The following KLHL20 variants were observed in gnomAD, a reference collection of about 807,000 sequenced individuals.
The protein encoded by KLHL20 is kelch-like protein 20.
KLHL20 carries 29 observed loss-of-function variants against 69.5 expected under a neutral mutation model. The observed-to-expected ratio is 0.42, with a 90% CI of 0.31 to 0.57. KLHL20 has a LOEUF of 0.57. Among genes scored for constraint, KLHL20 ranks in the 20% least tolerant of loss-of-function variants. The probability of loss-of-function intolerance (pLI) is 0.18; values close to 1 mark genes in which losing one functional copy is unlikely to be tolerated. For synonymous variants in KLHL20, 253 were observed against 265.2 expected (o/e 0.95, Z 0.45); for missense variants, 419 against 776.0 (o/e 0.54, Z 5.47).
At chr1:173,748,039 A>G (rs980934882) in intron 3 of KLHL20, among the ~76,000 whole-genome samples, 1 of 132,658 alleles carries the variant, frequency 7.5e-6, no homozygotes, top group Non-Finnish European at 1.6e-5. Flanking sequence ...AATATTATGA[A>G]CAACATTTTA....
At chr1:173,780,911 A>T (rs1199557093) in intron 10 of KLHL20, among the ~76,000 whole-genome samples, 4 of 151,158 alleles carry the variant, frequency 2.6e-5, no homozygotes, top group African/African-American at 9.7e-5. Flanking sequence ...TTGTATTTTT[A>T]ATAGAGATGG....
intron 3 of KLHL20, among the ~76,000 whole-genome samples, chr1:173,745,236 ACCT>A (rs1182094620): frequency 6.8e-5 from 9 of 133,036 alleles, no homozygotes; most frequent in African/African-American, 2.6e-4. Context: ...CAATGACGTG[ACCT>A]CCACTCACTG....
chr1:173,781,189 G>C (rs1648854158), intron 10 of KLHL20, among the ~76,000 whole-genome samples: 2 of 152,136 alleles, frequency 1.3e-5, no homozygotes, highest in Admixed American at 1.3e-4. Flanking sequence ...TTAGTTAGGA[G>C]TAAAGGGAAA....
chr1:173,761,144 C>T (rs1647272544), intron 7 of KLHL20, among the ~76,000 whole-genome samples: 1 of 152,166 alleles, frequency 6.6e-6, no homozygotes, highest in Non-Finnish European at 1.5e-5. Context: ...CAAAGAGGGA[C>T]AGTATATAAT....
At chr1:173,781,846 AGTTTGGAG>A in intron 10 of KLHL20, 2 of 252,574 alleles carry the variant, frequency 7.9e-6, no homozygotes, top group Non-Finnish European at 1.5e-5. Context: ...AAGTGAGAGC[AGTTTGGAG>A]GTTGTTTGCT....
chr1:173,768,547 A>T (rs774799979), intron 8 of KLHL20, among the ~76,000 whole-genome samples: 3 of 152,164 alleles, frequency 2.0e-5, no homozygotes, highest in Non-Finnish European at 4.4e-5. Context: ...CACTTTCAAA[A>T]CTCAGTACAG....
chr1:173,736,836 T>C (rs1672561401), intron 3 of KLHL20, among the ~76,000 whole-genome samples: 1 of 152,220 alleles, frequency 6.6e-6, no homozygotes, highest in African/African-American at 2.4e-5. Context: ...CCTCAGGTGA[T>C]CTGCCCGCCT....
chr1:173,766,563 G>C (rs1004333732), intron 8 of KLHL20, among the ~76,000 whole-genome samples: 1 of 150,986 alleles, frequency 6.6e-6, no homozygotes, highest in East Asian at 1.9e-4. Flanking sequence ...GATCACTTGA[G>C]CCCAGGAGGT....
In KLHL20 at chr1:173,716,091, T is replaced by G. The variant is rs763173551; in HGVS notation, c.23+25T>G. On this transcript the variant is annotated intron_variant, in intron 2 of 11. Coordinates refer to ENST00000209884, the MANE Select transcript of KLHL20 (RefSeq NM_014458.4). ...GGTAGGCATTTAGGAAGAAAACCTT[T>G]GGTTTCACTGATTAAAATTCAGCAT... The G allele has an allele frequency of 7.5e-6, 12 of 1,609,928 alleles. No homozygotes were observed. In the South Asian group the frequency reaches 1.3e-4, roughly 18 times the overall value.
chr1:173,766,660 A>G (rs1432094743), intron 8 of KLHL20, among the ~76,000 whole-genome samples: 1 of 151,658 alleles, frequency 6.6e-6, no homozygotes, highest in Non-Finnish European at 1.5e-5. Flanking sequence ...AAAAAAAAAA[A>G]AAAGAAACAA....
At chr1:173,719,728 A>G (rs1432794380) in intron 2 of KLHL20, among the ~76,000 whole-genome samples, 3 of 151,548 alleles carry the variant, frequency 2.0e-5, no homozygotes, top group East Asian at 3.8e-4. Flanking sequence ...ACACAAATGC[A>G]TAGTCTTTAC....
chr1:173,717,325 T>C (rs1473004857), intron 2 of KLHL20, among the ~76,000 whole-genome samples: 1 of 152,240 alleles, frequency 6.6e-6, no homozygotes, highest in Non-Finnish European at 1.5e-5. Context: ...TCATACCTGC[T>C]CCTTTTTTCT....
intron 3 of KLHL20, among the ~76,000 whole-genome samples, chr1:173,739,631 G>A (rs373723656): frequency 2.7e-5 from 4 of 146,224 alleles, no homozygotes; most frequent in East Asian, 2.0e-4. Context: ...CTGTGGTATC[G>A]GTTGTAATAT....
intron 2 of KLHL20, among the ~76,000 whole-genome samples, chr1:173,722,566 G>T (rs1056967952): frequency 4.0e-5 from 6 of 151,868 alleles, no homozygotes; most frequent in Non-Finnish European, 8.8e-5. Flanking sequence ...GCAGTGAGCT[G>T]TGATCATACC....
At chr1:173,717,037 G>C (rs1162373611) in intron 2 of KLHL20, among the ~76,000 whole-genome samples, 1 of 152,054 alleles carries the variant, frequency 6.6e-6, no homozygotes, top group Non-Finnish European at 1.5e-5. Context: ...TTATCAAGAT[G>C]AAAAATACCA....
At chr1:173,739,326 C>T (rs1672685789) in intron 3 of KLHL20, among the ~76,000 whole-genome samples, 1 of 152,160 alleles carries the variant, frequency 6.6e-6, no homozygotes, top group African/African-American at 2.4e-5. Context: ...GCCACCTCAG[C>T]CTCCCAAAGT....
chr1:173,717,323 G>A (rs1423228911), intron 2 of KLHL20, among the ~76,000 whole-genome samples: 3 of 152,176 alleles, frequency 2.0e-5, no homozygotes, highest in Non-Finnish European at 2.9e-5. Flanking sequence ...ACTCATACCT[G>A]CTCCTTTTTT....
chr1:173,766,642 AG>A (rs201311932), intron 8 of KLHL20, among the ~76,000 whole-genome samples: 7 of 144,146 alleles, frequency 4.9e-5, no homozygotes, highest in East Asian at 3.9e-4. Flanking sequence ...CCCTGTATCA[AG>A]GGGGAAAAAA....
intron 2 of KLHL20, among the ~76,000 whole-genome samples, chr1:173,727,119 A>T (rs1363603645): frequency 6.6e-6 from 1 of 152,188 alleles, no homozygotes; most frequent in Non-Finnish European, 1.5e-5. Context: ...TCAGTAGCTG[A>T]TTCAATCAAC....
Sources: gnomAD v4.1 joint callset for allele counts (sites outside exome capture counted in the v4.1 genomes callset) on GRCh38, gnomAD v4.1.1 for gene constraint, MANE v1.5 for transcripts, NCBI Gene and HGNC (gene_info 2026-07-23, HGNC 2026-07-21) for gene names.